METTL25: variants seen among roughly 807,000 people sequenced by gnomAD.
METTL25 encodes methyltransferase like 25.
METTL25 carries 64 observed loss-of-function variants against 71.6 expected under a neutral mutation model. The observed-to-expected ratio is 0.89, with a 90% CI of 0.73 to 1.10. The LOEUF (loss-of-function observed/expected upper bound fraction) is 1.10. METTL25 is among the 50% of genes least tolerant of loss of function. METTL25 has a pLI of 0.00. For missense variants in METTL25, 807 were observed against 707.0 expected (o/e 1.14, Z -1.60); for synonymous variants, 287 against 250.3 (o/e 1.15, Z -1.38).
chr12:82,442,180 G>A (rs1452652026), intron 8 of METTL25, among the ~76,000 whole-genome samples: 1 of 152,072 alleles, frequency 6.6e-6, no homozygotes, highest in Non-Finnish European at 1.5e-5. Context: ...CCCTATCAGG[G>A]TGTCAGTGGA....
chr12:82,411,847 A>G (rs1054031361), intron 5 of METTL25, among the ~76,000 whole-genome samples: 46 of 152,222 alleles, frequency 3.0e-4, no homozygotes, highest in African/African-American at 9.9e-4. Context: ...ATAAATTACA[A>G]TTCCACGCTT....
chr12:82,476,941 G>A (rs1046238413), intron 10 of METTL25, among the ~76,000 whole-genome samples: 1 of 151,762 alleles, frequency 6.6e-6, no homozygotes. Context: ...TGCACAAAAA[G>A]TTTCAGAGTC....
intron 3 of METTL25, 72 bp downstream of exon 3, chr12:82,389,994 T>C: frequency 1.2e-6 from 1 of 817,068 alleles, no homozygotes. Context: ...TATTTCACCT[T>C]TTTACTGTCA....
At chr12:82,378,833 G>A (rs887784361) in intron 1 of METTL25, among the ~76,000 whole-genome samples, 1 of 152,158 alleles carries the variant, frequency 6.6e-6, no homozygotes, top group East Asian at 1.9e-4. Context: ...TTTGAGACCA[G>A]CCTGAGTAAC....
intron 4 of METTL25, among the ~76,000 whole-genome samples, chr12:82,400,435 A>G (rs1886509532): frequency 6.6e-6 from 1 of 152,040 alleles, no homozygotes; most frequent in African/African-American, 2.4e-5. Context: ...TTGTTTTACC[A>G]TTTTTTAAAT....
Position 82,376,200 on chromosome 12 carries a change from G to A in METTL25, c.260-10603G>A, listed in dbSNP as rs530907336. Among the ~76,000 whole-genome samples the A allele has an allele frequency of 4.6e-5, 7 of 151,902 alleles. 1 individual carries two copies. The highest frequency in any genetic ancestry group is 3.2e-3 in the Middle Eastern group (1 of 316). On this transcript the variant is annotated intron_variant, in intron 1 of 11. Transcript: ENST00000248306. ...CCAATTATGTGACAGTACTTTTATC[G>A]AAAACTAGTTGATTTCATTTTCCAG... is the stretch of plus-strand genomic sequence containing the variant.
intron 8 of METTL25, among the ~76,000 whole-genome samples, chr12:82,446,180 T>C (rs1890722402): frequency 6.6e-6 from 1 of 152,034 alleles, no homozygotes; most frequent in Non-Finnish European, 1.5e-5. Flanking sequence ...ATAAAGCAAA[T>C]ATTAATAGAT....
chr12:82,361,076 C>T (rs537925215), intron 1 of METTL25, among the ~76,000 whole-genome samples: 3 of 152,090 alleles, frequency 2.0e-5, no homozygotes, highest in Non-Finnish European at 4.4e-5. Flanking sequence ...TGCTTTTATT[C>T]TCTTATCTGA....
At chr12:82,373,230 C>T (rs1374350819) in intron 1 of METTL25, among the ~76,000 whole-genome samples, 1 of 152,110 alleles carries the variant, frequency 6.6e-6, no homozygotes, top group South Asian at 2.1e-4. Flanking sequence ...GGGAAGGGAT[C>T]TCGAGGGTTG....
At chr12:82,393,202 T>G (rs911931938) in intron 3 of METTL25, among the ~76,000 whole-genome samples, 1 of 152,106 alleles carries the variant, frequency 6.6e-6, no homozygotes, top group Admixed American at 6.6e-5. Context: ...GCACTGAATC[T>G]CTAGATTTCT....
At chr12:82,391,507 T>C (rs1489824685) in intron 3 of METTL25, among the ~76,000 whole-genome samples, 3 of 150,600 alleles carry the variant, frequency 2.0e-5, no homozygotes, top group African/African-American at 2.5e-5. Flanking sequence ...AATGAACTTA[T>C]GTTAATTGTA....
At chr12:82,438,160 G>C (rs1356969807) in intron 7 of METTL25, among the ~76,000 whole-genome samples, 1 of 151,716 alleles carries the variant, frequency 6.6e-6, no homozygotes, top group Non-Finnish European at 1.5e-5. Context: ...ATTGTCAAGA[G>C]TGCAATCTCT....
chr12:82,407,872 G>T (rs1206669398), intron 5 of METTL25: 15 of 985,120 alleles, frequency 1.5e-5, no homozygotes, highest in Non-Finnish European at 1.8e-5. Context: ...GATGGAAAAG[G>T]TAACATACTC....
At chr12:82,427,255 T>G (rs1279288817) in intron 5 of METTL25, among the ~76,000 whole-genome samples, 2 of 151,966 alleles carry the variant, frequency 1.3e-5, no homozygotes. Context: ...TACTTCTCAT[T>G]GCTAATCGTA....
rs374701856 is a variant in METTL25 at position 82,386,970 on chromosome 12, A to G, written c.424+3A>G. The stretch of plus-strand genomic sequence containing the variant: ...AGGAAATCAAAACCAGAGAATTGGT[A>G]TGTCTATTTATGTGTGTGTATGTGT... On this transcript the variant is annotated splice_donor_region_variant and intron_variant, in intron 2 of 11. Transcript: ENST00000248306. 1.2e-6 allele frequency: 2 copies of G among 1,610,826 alleles called. No individual in the cohort carries two copies. The highest frequency in any genetic ancestry group is 1.7e-6 in the Non-Finnish European group (2 of 1,178,048).
chr12:82,465,864 C>T (rs1319323122), intron 9 of METTL25, among the ~76,000 whole-genome samples: 2 of 151,946 alleles, frequency 1.3e-5, no homozygotes, highest in Non-Finnish European at 2.9e-5. Flanking sequence ...TCTATTTGCA[C>T]TGCATTTTCT....
intron 3 of METTL25, among the ~76,000 whole-genome samples, chr12:82,396,973 T>C (rs1886137987): frequency 6.6e-6 from 1 of 152,104 alleles, no homozygotes; most frequent in South Asian, 2.1e-4. Context: ...GTAGTCCAGA[T>C]ATGCTATTTG....
chr12:82,413,189 A>G (rs1887688272), intron 5 of METTL25, among the ~76,000 whole-genome samples: 1 of 152,012 alleles, frequency 6.6e-6, no homozygotes, highest in Non-Finnish European at 1.5e-5. Flanking sequence ...ATGAAACTAA[A>G]ATGAAGACTT....
intron 4 of METTL25, among the ~76,000 whole-genome samples, chr12:82,401,821 C>T (rs1886645943): frequency 6.6e-6 from 1 of 151,998 alleles, no homozygotes; most frequent in Non-Finnish European, 1.5e-5. Context: ...TACACTAAAA[C>T]ATGATCTTTA....
Sources: allele counts gnomAD v4.1 joint callset (sites outside exome capture counted in the v4.1 genomes callset), GRCh38; gene constraint gnomAD v4.1.1; transcripts MANE v1.5; gene names NCBI Gene and HGNC (gene_info 2026-07-23, HGNC 2026-07-21).